The following SPRR2G variants were observed in gnomAD, a reference collection of about 807,000 sequenced individuals.
SPRR2G encodes small proline-rich protein 2G.
A neutral mutation model predicts 0.7 loss-of-function variants in SPRR2G; 1 was observed. The observed-to-expected ratio is 1.49, with a 90% confidence interval of 0.53 to 7.06. SPRR2G has a LOEUF of 7.06. SPRR2G is among the 30% of genes most tolerant of loss of function. SPRR2G has a pLI of 0.14. For missense variants in SPRR2G, 96 were observed against 88.5 expected (o/e 1.09, Z -0.34); for synonymous variants, 38 against 33.9 (o/e 1.12, Z -0.42).
At chr1:153,194,678 T>C in the SPRR2G span, among the ~76,000 whole-genome samples, 2 of 152,178 alleles carry the variant, frequency 1.3e-5, no homozygotes, top group African/African-American at 4.8e-5. Flanking sequence ...TTCCCAAACT[T>C]TTTGCTTTTT....
the SPRR2G span, among the ~76,000 whole-genome samples, chr1:153,162,429 C>G: frequency 2.4e-4 from 37 of 152,238 alleles, no homozygotes; most frequent in Middle Eastern, 3.4e-3. Context: ...AGGGAGCTAC[C>G]CAGAATAACC....
At chr1:153,181,949 T>G in the SPRR2G span, among the ~76,000 whole-genome samples, 1 of 152,172 alleles carries the variant, frequency 6.6e-6, no homozygotes, top group East Asian at 1.9e-4. Context: ...GTAGTGGGAT[T>G]GCAGGATCAC....
At chr1:153,168,899 A>AGTGTGTGTGTGTGTGT in the SPRR2G span, among the ~76,000 whole-genome samples, 3 of 91,038 alleles carry the variant, frequency 3.3e-5, no homozygotes, top group East Asian at 4.9e-4. Flanking sequence ...TGTACTCATG[A>AGTGTGTGTGTGTGTGT]GTGTATGTGT....
chr1:153,184,059 T>A, the SPRR2G span, among the ~76,000 whole-genome samples: 8 of 152,168 alleles, frequency 5.3e-5, no homozygotes, highest in South Asian at 6.2e-4. Context: ...GAGGCCTCTG[T>A]TCTGTTCTAT....
the SPRR2G span, chr1:153,191,130 G>A: frequency 6.6e-6 from 1 of 152,290 alleles, no homozygotes; most frequent in Non-Finnish European, 1.5e-5. Flanking sequence ...CTCAGTCTCT[G>A]ATTTCAGCTG....
chr1:153,163,419 C>T, the SPRR2G span, among the ~76,000 whole-genome samples: 1 of 152,188 alleles, frequency 6.6e-6, no homozygotes, highest in Non-Finnish European at 1.5e-5. Flanking sequence ...CCAAACATCA[C>T]ACGCCTACCT....
chr1:153,196,425 A>T, the SPRR2G span, among the ~76,000 whole-genome samples: 3 of 152,234 alleles, frequency 2.0e-5, no homozygotes, highest in African/African-American at 4.8e-5. Context: ...GTATTCTATC[A>T]TGTGTATATA....
At chr1:153,187,338 A>G in the SPRR2G span, among the ~76,000 whole-genome samples, 1 of 152,144 alleles carries the variant, frequency 6.6e-6, no homozygotes, top group East Asian at 1.9e-4. Flanking sequence ...ACATACACCA[A>G]TCAATCGTAT....
the SPRR2G span, among the ~76,000 whole-genome samples, chr1:153,193,357 C>G: frequency 0.016 from 2,476 of 152,250 alleles, 63 homozygotes; most frequent in African/African-American, 0.057. Flanking sequence ...CATCAGTGAC[C>G]ACACTCACTC....
chr1:153,201,982 C>G, the SPRR2G span, among the ~76,000 whole-genome samples: 1 of 152,170 alleles, frequency 6.6e-6, no homozygotes, highest in Non-Finnish European at 1.5e-5. Flanking sequence ...ATACTAACAC[C>G]CCAAAACCTG....
chr1:153,151,793 C>T (rs192489025), upstream of SPRR2G, among the ~76,000 whole-genome samples: 24 of 152,318 alleles, frequency 1.6e-4, no homozygotes, highest in East Asian at 2.7e-3. Flanking sequence ...GAGTGAAGTT[C>T]TGTAAAGCTA....
chr1:153,150,234 C>T (rs112596985), intron 1 of SPRR2G, 103 bp from the exon 2 acceptor site: 59 of 1,492,422 alleles, frequency 4.0e-5, no homozygotes, highest in Non-Finnish European at 4.9e-5. Context: ...CAACTTTGAT[C>T]CCTAATACAG....
the SPRR2G span, among the ~76,000 whole-genome samples, chr1:153,196,989 C>G: frequency 4.6e-5 from 7 of 152,048 alleles, no homozygotes; most frequent in Non-Finnish European, 1.0e-4. Context: ...CAGAGGAGTC[C>G]GGTAGAGCTT....
the SPRR2G span, among the ~76,000 whole-genome samples, chr1:153,166,738 C>T: frequency 2.6e-5 from 4 of 152,114 alleles, no homozygotes; most frequent in East Asian, 1.9e-4. Flanking sequence ...ATCTGGAAGA[C>T]CAAAGATGGA....
At position 153,149,859 on chromosome 1, in the gene SPRR2G, G is replaced by T; in HGVS notation, c.*30C>A. The T allele has an allele frequency of 6.2e-7, 1 of 1,613,054 alleles. No individual in the cohort carries two copies. On this transcript the variant is annotated 3_prime_UTR_variant, in exon 2 of 2. Coordinates refer to ENST00000368748, the MANE Select transcript of SPRR2G (RefSeq NM_001014291.4). ...GTAAGAAGAGCCACTGGATCTTGTT[G>T]TTTCATGGTCCTGATGAATTCTAGT...
chr1:153,194,586 C>A, the SPRR2G span, among the ~76,000 whole-genome samples: 2 of 152,204 alleles, frequency 1.3e-5, no homozygotes, highest in African/African-American at 4.8e-5. Flanking sequence ...GGCTTGTGCT[C>A]CCTCCTCCAA....
the SPRR2G span, among the ~76,000 whole-genome samples, chr1:153,156,851 T>C: frequency 6.6e-6 from 1 of 152,248 alleles, no homozygotes; most frequent in South Asian, 2.1e-4. Context: ...TTGCCATTTG[T>C]TAAGTAAACG....
At chr1:153,201,998 A>G in the SPRR2G span, among the ~76,000 whole-genome samples, 29 of 152,236 alleles carry the variant, frequency 1.9e-4, no homozygotes, top group African/African-American at 6.8e-4. Flanking sequence ...ACCTGGTGAA[A>G]CATTGTCCCA....
chr1:153,196,369 A>G, the SPRR2G span, among the ~76,000 whole-genome samples: 4 of 152,214 alleles, frequency 2.6e-5, no homozygotes, highest in Non-Finnish European at 5.9e-5. Context: ...AGGGCCATTT[A>G]TGTTGTTGAA....
Sources: gnomAD v4.1 joint callset for allele counts (sites outside exome capture counted in the v4.1 genomes callset) on GRCh38, gnomAD v4.1.1 for gene constraint, MANE v1.5 for transcripts, NCBI Gene and HGNC (gene_info 2026-07-23, HGNC 2026-07-21) for gene names.